Variants in CNTN6 observed in about 807,000 individuals in gnomAD.
CNTN6 encodes contactin 6.
In CNTN6, 137 loss-of-function variants were observed where a neutral mutation model predicts 122.8. That is an observed-to-expected ratio of 1.12 (90% CI 0.97 to 1.29). The LOEUF is 1.29. Ranked by LOEUF, CNTN6 falls within the 50% of genes most tolerant of loss-of-function variation. The probability of loss-of-function intolerance (pLI) is 0.00; values close to 1 mark genes in which losing one functional copy is unlikely to be tolerated. For missense variants in CNTN6, 1,634 were observed against 1,223.4 expected, an observed-to-expected ratio of 1.34 and a Z score of -5.01; for synonymous variants, 570 against 426.0, an observed-to-expected ratio of 1.34 and a Z score of -4.16.
chr3:1,219,756 C>T (rs1015824669), intron 2 of CNTN6, among the ~76,000 whole-genome samples: 11 of 152,146 alleles, frequency 7.2e-5, no homozygotes, highest in African/African-American at 2.7e-4. Flanking sequence ...TGGATCATGC[C>T]TGTAATCCCA....
chr3:1,339,175 C>T (rs1214969564), intron 11 of CNTN6, among the ~76,000 whole-genome samples: 1 of 151,702 alleles, frequency 6.6e-6, no homozygotes, highest in African/African-American at 2.4e-5. Flanking sequence ...TTTCATTCCA[C>T]AGATAAAATT....
intron 5 of CNTN6, among the ~76,000 whole-genome samples, chr3:1,283,970 G>C (rs371588342): frequency 5.3e-5 from 8 of 152,332 alleles, no homozygotes; most frequent in Non-Finnish European, 2.9e-5. Context: ...TTGCACTCCA[G>C]CCTGGGGGAC....
At chr3:1,093,631 G>A (rs186978193) in intron 1 of CNTN6, among the ~76,000 whole-genome samples, 1 of 152,062 alleles carries the variant, frequency 6.6e-6, no homozygotes, top group Non-Finnish European at 1.5e-5. Context: ...ATTTGGTAAG[G>A]GGAGCAAAGC....
intron 7 of CNTN6, among the ~76,000 whole-genome samples, chr3:1,318,931 C>T (rs1420798263): frequency 2.0e-5 from 3 of 151,642 alleles, no homozygotes; most frequent in African/African-American, 4.8e-5. Context: ...TTAGAAGGGA[C>T]GTGAGTCCAG....
chr3:1,133,475 T>C (rs970912658), intron 1 of CNTN6, among the ~76,000 whole-genome samples: 11 of 152,202 alleles, frequency 7.2e-5, no homozygotes, highest in Admixed American at 1.3e-4. Flanking sequence ...AGCCCCATTT[T>C]ACTGATGAGG....
intron 1 of CNTN6, among the ~76,000 whole-genome samples, chr3:1,121,093 C>A (rs1401680301): frequency 6.6e-6 from 1 of 151,968 alleles, no homozygotes; most frequent in African/African-American, 2.4e-5. Context: ...ATTAATATAG[C>A]CAAGTCACTG....
chr3:1,199,904 G>C, intron 2 of CNTN6, among the ~76,000 whole-genome samples: 1 of 152,114 alleles, frequency 6.6e-6, no homozygotes, highest in East Asian at 1.9e-4. Flanking sequence ...ATAAACAATA[G>C]ACAAATGCAA....
chr3:1,330,108 C>G (rs1350453871), intron 11 of CNTN6, among the ~76,000 whole-genome samples, 173 bp downstream of exon 11: 3 of 151,854 alleles, frequency 2.0e-5, no homozygotes, highest in Non-Finnish European at 4.4e-5. Flanking sequence ...ACAAAAGGAT[C>G]TTATAAAATA....
At chr3:1,184,417 T>C (rs2125352599) in intron 2 of CNTN6, among the ~76,000 whole-genome samples, 1 of 151,916 alleles carries the variant, frequency 6.6e-6, no homozygotes, top group Non-Finnish European at 1.5e-5. Context: ...GGCAGTTTCA[T>C]TATTATTTGT....
chr3:1,246,088 G>T (rs2094579619), intron 4 of CNTN6, among the ~76,000 whole-genome samples: 2 of 152,070 alleles, frequency 1.3e-5, no homozygotes, highest in East Asian at 3.9e-4. Context: ...AATATATACA[G>T]AAAAGTACAA....
chr3:1,183,520 C>A (rs1405124290), intron 2 of CNTN6, among the ~76,000 whole-genome samples: 1 of 151,740 alleles, frequency 6.6e-6, no homozygotes, highest in Non-Finnish European at 1.5e-5. Flanking sequence ...GCACAATACA[C>A]AACTAGATTT....
chr3:1,165,598 G>A (rs1173242898), intron 2 of CNTN6, among the ~76,000 whole-genome samples: 1 of 151,978 alleles, frequency 6.6e-6, no homozygotes. Flanking sequence ...ACTTCTACAA[G>A]GACTTATAAT....
intron 12 of CNTN6, among the ~76,000 whole-genome samples, chr3:1,367,328 G>C (rs1389000231): frequency 6.6e-6 from 1 of 151,568 alleles, no homozygotes; most frequent in Non-Finnish European, 1.5e-5. Context: ...ACCAGCCTCT[G>C]ATAACCACCA....
chr3:1,280,228 T>A (rs1274055346), intron 5 of CNTN6, among the ~76,000 whole-genome samples: 2 of 152,112 alleles, frequency 1.3e-5, no homozygotes, highest in Non-Finnish European at 2.9e-5. Flanking sequence ...TAAAAAAATT[T>A]AAAAAATTAA....
chr3:1,266,020 G>GT (rs369400317), intron 4 of CNTN6, among the ~76,000 whole-genome samples: 5,615 of 141,732 alleles, frequency 0.04, 303 homozygotes, highest in African/African-American at 0.13. Context: ...AGTTAAAGGT[G>GT]TTTTTTTTTT....
chr3:1,180,960 C>CT (rs368954197), intron 2 of CNTN6, among the ~76,000 whole-genome samples: 33 of 152,014 alleles, frequency 2.2e-4, no homozygotes, highest in African/African-American at 6.7e-4. Context: ...ATTTTTTTTA[C>CT]TTTTTTTTCT....
chr3:1,175,636 T>C (rs996854713), intron 2 of CNTN6, among the ~76,000 whole-genome samples: 2 of 152,204 alleles, frequency 1.3e-5, no homozygotes, highest in Non-Finnish European at 2.9e-5. Flanking sequence ...AAGAGGGCAG[T>C]AGAGCAGGAG....
At chr3:1,105,751 T>C (rs1024748063) in intron 1 of CNTN6, among the ~76,000 whole-genome samples, 3 of 152,144 alleles carry the variant, frequency 2.0e-5, no homozygotes, top group East Asian at 3.8e-4. Context: ...TCCAGTGTTA[T>C]CAACTTTTTA....
chr3:1,293,554 C>T (rs1261870757), intron 5 of CNTN6, among the ~76,000 whole-genome samples: 1 of 152,142 alleles, frequency 6.6e-6, no homozygotes, highest in East Asian at 1.9e-4. Flanking sequence ...CTTCTTTTGT[C>T]TCTGCCATGT....
Sources: allele counts gnomAD v4.1 joint callset (sites outside exome capture counted in the v4.1 genomes callset), GRCh38; gene constraint gnomAD v4.1.1; transcripts MANE v1.5; gene names NCBI Gene and HGNC (gene_info 2026-07-23, HGNC 2026-07-21).